ZBTB20: variants seen among roughly 807,000 people sequenced by gnomAD.
ZBTB20 encodes the protein zinc finger and BTB domain containing 20, also known as zinc finger and BTB domain-containing protein 20.
Under a neutral mutation model 56.9 loss-of-function variants are expected in ZBTB20, and 9 were observed. The ratio of observed to expected loss-of-function variants is 0.16; its 90% CI spans 0.10 to 0.28. The LOEUF is 0.28. Among genes scored for constraint, ZBTB20 ranks in the 10% least tolerant of loss-of-function variants. The pLI is 1.00. For synonymous variants in ZBTB20, 417 were observed against 420.7 expected (o/e 0.99, Z 0.11); for missense variants, 655 against 1,003.0 (o/e 0.65, Z 4.69).
At chr3:114,460,106 C>G (rs936434766) in intron 7 of ZBTB20, among the ~76,000 whole-genome samples, 2 of 152,116 alleles carry the variant, frequency 1.3e-5, no homozygotes, top group African/African-American at 4.8e-5. Flanking sequence ...CTGTCTGTCC[C>G]TGGTTCCACA....
At chr3:114,619,900 T>C (rs1353154916) in intron 6 of ZBTB20, among the ~76,000 whole-genome samples, 2 of 152,208 alleles carry the variant, frequency 1.3e-5, no homozygotes, top group African/African-American at 4.8e-5. Flanking sequence ...AGGGCATCCA[T>C]AGCCAGTCTT....
rs184980883 is a variant in ZBTB20 at position 114,537,121 on chromosome 3, A to T, written c.-294-36730T>A. ...AAAACACCAAAAGCAATGGCAAAAA[A>T]CCCAAAACTGACAAATGGGATCTAA... On this transcript the variant is annotated intron_variant, in intron 6 of 11. Coordinates refer to ENST00000675478, the MANE Select transcript of ZBTB20 (RefSeq NM_001348800.3). Among the ~76,000 whole-genome samples the T allele has an allele frequency of 1.7e-3, 255 of 152,310 alleles. 1 individual carries two copies. The highest frequency in any genetic ancestry group is 5.9e-3 in the African/African-American group (244 of 41,572).
At chr3:115,108,414 A>C (rs1375007487) in intron 1 of ZBTB20, among the ~76,000 whole-genome samples, 1 of 152,184 alleles carries the variant, frequency 6.6e-6, no homozygotes, top group Admixed American at 6.5e-5. Context: ...ATAAAAAATG[A>C]GTAACAATTT....
At position 115,071,279 on chromosome 3, in the gene ZBTB20, T is replaced by C. The variant is rs1476711798; in HGVS notation, c.-567A>G. On this transcript the variant is annotated 5_prime_UTR_variant, in exon 2 of 12. An upstream start codon of the reference 5' UTR is lost. Transcript: ENST00000675478. ...TTGATTAACCAGGAGAAGAATATCA[T>C]AGGCATGGGTGTGAGATCAACTGGA... 3 of 152,250 alleles carry C rather than the reference T, an allele frequency of 2.0e-5. No homozygotes were observed. Among genetic ancestry groups the C allele is most frequent in the East Asian group, 3.9e-4 (2 of 5,178 alleles). The allele number at this position is 152,250 out of a possible 1,614,324, so 9.4% of individuals were successfully genotyped here.
intron 4 of ZBTB20, among the ~76,000 whole-genome samples, chr3:114,846,662 A>C (rs920877695): frequency 3.3e-5 from 5 of 152,250 alleles, no homozygotes; most frequent in African/African-American, 1.2e-4. Flanking sequence ...ATTTTGCTAT[A>C]CAATGCTAGT....
chr3:114,748,015 T>A (rs897705940), intron 5 of ZBTB20, among the ~76,000 whole-genome samples: 1 of 151,590 alleles, frequency 6.6e-6, no homozygotes, highest in South Asian at 2.1e-4. Context: ...TATTGAATTT[T>A]CAAAAAGTGA....
chr3:114,787,366 T>TATATATATATATATATATACAC (rs1278656494), intron 5 of ZBTB20, among the ~76,000 whole-genome samples: 13 of 82,902 alleles, frequency 1.6e-4, no homozygotes, highest in African/African-American at 5.8e-4. Context: ...TATATATATA[T>TATATATATATATATATATACAC]ATACACACAC....
At position 114,938,293 on chromosome 3, in the gene ZBTB20, C is replaced by T. The variant is rs186376197; in HGVS notation, c.-456+36073G>A. On this transcript the variant is annotated intron_variant, in intron 3 of 11. Transcript: ENST00000675478. ...TTTAGTTTAATTAGATCCCATTTGT[C>T]ATTTTGGCTTTTGTTGCCATTGCTT... Among the ~76,000 whole-genome samples the T allele has an allele frequency of 5.5e-5, 8 of 146,050 alleles. No homozygotes were observed. In the East Asian group the frequency reaches 1.2e-3, roughly 21 times the overall value.
intron 4 of ZBTB20, among the ~76,000 whole-genome samples, chr3:114,881,142 T>C (rs116366156): frequency 0.023 from 3,566 of 152,214 alleles, 50 homozygotes; most frequent in South Asian, 0.051. Context: ...ATAATAGATG[T>C]TAAACTGGTC....
chr3:114,814,119 G>T (rs2072757445), intron 4 of ZBTB20, among the ~76,000 whole-genome samples: 1 of 151,576 alleles, frequency 6.6e-6, no homozygotes, highest in Non-Finnish European at 1.5e-5. Flanking sequence ...TATAATCAGA[G>T]CCCAATCTGT....
intron 1 of ZBTB20, among the ~76,000 whole-genome samples, chr3:115,120,393 G>C (rs559867281): frequency 1.6e-4 from 25 of 152,060 alleles, no homozygotes; most frequent in Non-Finnish European, 2.9e-4. Flanking sequence ...CTTGTATAAA[G>C]TCTCAACAAA....
intron 5 of ZBTB20, among the ~76,000 whole-genome samples, chr3:114,740,473 T>C (rs2066495954): frequency 6.6e-6 from 1 of 152,268 alleles, no homozygotes; most frequent in East Asian, 1.9e-4. Flanking sequence ...TAACAATATA[T>C]GTTGGTTAAG....
intron 6 of ZBTB20, among the ~76,000 whole-genome samples, chr3:114,681,312 C>G (rs1332345848): frequency 6.6e-6 from 1 of 152,110 alleles, no homozygotes; most frequent in African/African-American, 2.4e-5. Context: ...AGGCGTGTGC[C>G]ACCACGCCCG....
chr3:114,674,853 C>T (rs1485986138), intron 6 of ZBTB20, among the ~76,000 whole-genome samples: 1 of 151,648 alleles, frequency 6.6e-6, no homozygotes, highest in Non-Finnish European at 1.5e-5. Flanking sequence ...TATATACATA[C>T]ATAAACACAC....
At chr3:115,139,585 A>G (rs1311846675) in intron 1 of ZBTB20, among the ~76,000 whole-genome samples, 2 of 152,074 alleles carry the variant, frequency 1.3e-5, no homozygotes, top group African/African-American at 4.8e-5. Context: ...ATTTTATAAG[A>G]TCTGCATGGA....
intron 5 of ZBTB20, among the ~76,000 whole-genome samples, chr3:114,697,847 G>C (rs1337598518): frequency 2.6e-5 from 4 of 152,044 alleles, no homozygotes; most frequent in Non-Finnish European, 5.9e-5. Flanking sequence ...CTAATGACTG[G>C]AATAGGTTCA....
intron 4 of ZBTB20, among the ~76,000 whole-genome samples, chr3:114,884,802 T>C (rs2076541500): frequency 1.3e-5 from 2 of 152,142 alleles, no homozygotes; most frequent in Admixed American, 1.3e-4. Context: ...AGTCTTGATA[T>C]ACAGAAAAGG....
intron 4 of ZBTB20, among the ~76,000 whole-genome samples, chr3:114,886,497 T>C (rs187515609): frequency 7.9e-5 from 12 of 152,322 alleles, no homozygotes; most frequent in African/African-American, 2.9e-4. Flanking sequence ...CTGGAGATCA[T>C]TACGAAAAAC....
In ZBTB20 at chr3:115,039,687, A is replaced by C. The variant is rs1409653405; in HGVS notation, c.-507+31532T>G. ...TACAAGTGTCTGATTTTTATTAGCA[A>C]AGTATTAAAAAGTTGTTCATTTTCC... On this transcript the variant is annotated intron_variant, in intron 2 of 11. Transcript: ENST00000675478. 2.0e-5 allele frequency among the ~76,000 whole-genome samples: 3 copies of C among 152,046 alleles called. No homozygotes were observed. The East Asian group carries it at 5.8e-4, about 29-fold the overall frequency.
Sources: gnomAD v4.1 joint callset for allele counts (sites outside exome capture counted in the v4.1 genomes callset) on GRCh38, gnomAD v4.1.1 for gene constraint, MANE v1.5 for transcripts, NCBI Gene and HGNC (gene_info 2026-07-23, HGNC 2026-07-21) for gene names.